LEMD3: variants seen among roughly 807,000 people sequenced by gnomAD.
The protein encoded by LEMD3 is LEM domain containing 3.
In LEMD3, 33 loss-of-function variants were observed where a neutral mutation model predicts 95.2. That is an observed-to-expected ratio of 0.35 (90% CI 0.26 to 0.46). The LOEUF is 0.46. Ranked by LOEUF, LEMD3 falls within the 20% of genes least tolerant of loss-of-function variation. The pLI is 1.00. For synonymous variants in LEMD3, 525 were observed against 474.6 expected, an observed-to-expected ratio of 1.11 and a Z score of -1.38; for missense variants, 1,210 against 1,192.8, an observed-to-expected ratio of 1.01 and a Z score of -0.21.
intron 1 of LEMD3, among the ~76,000 whole-genome samples, chr12:65,191,509 C>T (rs1232239941): frequency 6.6e-6 from 1 of 152,098 alleles, no homozygotes; most frequent in Admixed American, 6.6e-5. Context: ...TTTGACAGTG[C>T]TTACCGTGTA....
At chr12:65,196,737 CT>C (rs1216593043) in intron 1 of LEMD3, among the ~76,000 whole-genome samples, 10 of 152,078 alleles carry the variant, frequency 6.6e-5, no homozygotes, top group Admixed American at 6.6e-4. Flanking sequence ...TGAGAGGGAC[CT>C]ACCAATGGTG....
chr12:65,186,912 C>T (rs1025165907), intron 1 of LEMD3, among the ~76,000 whole-genome samples: 10 of 151,902 alleles, frequency 6.6e-5, no homozygotes, highest in Non-Finnish European at 1.2e-4. Context: ...CTGCTAAGAC[C>T]ATATGCTAGC....
intron 9 of LEMD3, among the ~76,000 whole-genome samples, chr12:65,242,043 G>T (rs561886801): frequency 6.6e-6 from 1 of 152,160 alleles, no homozygotes; most frequent in Non-Finnish European, 1.5e-5. Context: ...TTAAAAAAAT[G>T]ATGCTTTCAT....
rs753369174 is a variant in LEMD3 at position 65,245,821 on chromosome 12, A to G, written c.2494-40A>G. ...AATTTCATGTTTTGGATTTGTTGCTATTAAACTAAGACTATTTTCTTTCTT... is the reference window on the plus strand; with the variant it reads ...AATTTCATGTTTTGGATTTGTTGCTGTTAAACTAAGACTATTTTCTTTCTT... On this transcript the variant is annotated intron_variant, in intron 11 of 12. Transcript: ENST00000308330. The G allele has an allele frequency of 5.0e-6, 8 of 1,598,946 alleles. No homozygotes were observed. The South Asian group carries it at 7.7e-5, about 15-fold the overall frequency.
At chr12:65,208,984 A>G (rs948031824) in intron 1 of LEMD3, among the ~76,000 whole-genome samples, 2 of 152,086 alleles carry the variant, frequency 1.3e-5, no homozygotes, top group Non-Finnish European at 2.9e-5. Context: ...CTCCCTTTTT[A>G]GTAGCTCAGA....
intron 1 of LEMD3, among the ~76,000 whole-genome samples, chr12:65,191,211 G>A (rs1216159884): frequency 2.6e-5 from 4 of 151,940 alleles, no homozygotes; most frequent in Non-Finnish European, 4.4e-5. Context: ...CCTTGAAGAC[G>A]AAACACTTTA....
At chr12:65,189,488 T>C (rs1869170796) in intron 1 of LEMD3, among the ~76,000 whole-genome samples, 3 of 152,200 alleles carry the variant, frequency 2.0e-5, no homozygotes, top group African/African-American at 7.2e-5. Context: ...ACTCCCTGAG[T>C]GGCCCATTCA....
At chr12:65,183,812 G>A (rs765395201) in intron 1 of LEMD3, among the ~76,000 whole-genome samples, 19 of 152,174 alleles carry the variant, frequency 1.2e-4, no homozygotes, top group Non-Finnish European at 2.2e-4. Context: ...TTAGCTTAGA[G>A]TGGAAGTGGT....
At chr12:65,191,102 GT>G (rs1869226050) in intron 1 of LEMD3, among the ~76,000 whole-genome samples, 1 of 151,866 alleles carries the variant, frequency 6.6e-6, no homozygotes, top group Non-Finnish European at 1.5e-5. Flanking sequence ...TTATGAACCA[GT>G]TTCTTTAATA....
chr12:65,192,767 A>T (rs140399940), intron 1 of LEMD3, among the ~76,000 whole-genome samples: 33 of 152,310 alleles, frequency 2.2e-4, no homozygotes, highest in African/African-American at 7.5e-4. Context: ...TTGAGCACTT[A>T]ATGTTTCAGT....
chr12:65,195,546 C>A lies in LEMD3; in HGVS notation c.1523-15380C>A, dbSNP rs75114971. 2.0e-5 allele frequency among the ~76,000 whole-genome samples: 3 copies of A among 152,180 alleles called. No homozygotes were observed. The East Asian group carries it at 5.8e-4, about 29-fold the overall frequency. ...TTCCTCTTCTGATGAGTCATCTTCC[C>A]TAAATTTGCATGTCTAAAGGGATTG... On this transcript the variant is annotated intron_variant, in intron 1 of 12. Transcript: ENST00000308330.
intron 9 of LEMD3, among the ~76,000 whole-genome samples, chr12:65,241,699 T>C (rs1870943960): frequency 6.6e-6 from 1 of 152,162 alleles, no homozygotes. Flanking sequence ...CAGAAAACAA[T>C]GCATCAGAAA....
chr12:65,172,512 A>G (rs893982040), intron 1 of LEMD3, among the ~76,000 whole-genome samples: 12 of 152,202 alleles, frequency 7.9e-5, no homozygotes, highest in African/African-American at 2.9e-4. Flanking sequence ...GCTTAATTAC[A>G]GGGGTTGAAA....
chr12:65,178,240 A>G (rs1868790579), intron 1 of LEMD3, among the ~76,000 whole-genome samples: 1 of 152,056 alleles, frequency 6.6e-6, no homozygotes, highest in Non-Finnish European at 1.5e-5. Flanking sequence ...TCCTAGATCT[A>G]TGAGAATATT....
In LEMD3 at chr12:65,194,702, C is replaced by T. The variant is rs1426859971; in HGVS notation, c.1523-16224C>T. Among the ~76,000 whole-genome samples, 6 of 147,414 alleles carry T rather than the reference C, an allele frequency of 4.1e-5. No homozygotes were observed. The East Asian group carries it at 8.5e-4, about 21-fold the overall frequency. ...TAATGTCTGGTAATTGATATCTATACCTTAGCAGAATTTGGGCTCCTCTCA... is the reference window on the plus strand; with the variant it reads ...TAATGTCTGGTAATTGATATCTATATCTTAGCAGAATTTGGGCTCCTCTCA... On this transcript the variant is annotated intron_variant, in intron 1 of 12. Coordinates refer to ENST00000308330, the MANE Select transcript of LEMD3 (RefSeq NM_014319.5).
chr12:65,238,507 A>T lies in LEMD3; in HGVS notation c.1701A>T (p.Leu567Phe). Residue 567 changes from leucine (L) to phenylalanine (F), a missense_variant, in exon 5 of 13, where the codon TTA becomes TTT. By Grantham distance (22) the Leu-to-Phe change is conservative (BLOSUM62 0). Transcript: ENST00000308330. ...TTCTCTATTTTTCTTGTTAGGATTT[A>T]GGTCCTGAATATGAAGGTATATTTA... ...VQEAAAYLKD[L>F]GPEYEGIFNT... 4 of 1,588,894 alleles carry T rather than the reference A, an allele frequency of 2.5e-6. No homozygotes were observed. The highest frequency in any genetic ancestry group is 3.5e-6 in the Non-Finnish European group (4 of 1,157,356).
intron 1 of LEMD3, among the ~76,000 whole-genome samples, chr12:65,200,858 G>T (rs1426342561): frequency 6.6e-6 from 1 of 152,024 alleles, no homozygotes; most frequent in African/African-American, 2.4e-5. Flanking sequence ...GTTTGCTGTT[G>T]TATCTAAAAA....
At chr12:65,239,873 A>G (rs1322738592) in intron 6 of LEMD3, 56 bp from the exon 7 acceptor site, 4 of 1,145,844 alleles carry the variant, frequency 3.5e-6, no homozygotes, top group Non-Finnish European at 5.2e-6. Context: ...TCACTGAAAT[A>G]TTATTGAATG....
At chr12:65,243,563 A>T in intron 10 of LEMD3, 94 bp downstream of exon 10, 2 of 801,858 alleles carry the variant, frequency 2.5e-6, no homozygotes, top group South Asian at 2.8e-5. Flanking sequence ...CTGTAATTGA[A>T]AATGTTTTTC....
Sources: gnomAD v4.1 joint callset for allele counts (sites outside exome capture counted in the v4.1 genomes callset) on GRCh38, gnomAD v4.1.1 for gene constraint, MANE v1.5 for transcripts, NCBI Gene and HGNC (gene_info 2026-07-23, HGNC 2026-07-21) for gene names.